Variants in FBXL7 observed in about 807,000 individuals in gnomAD.
FBXL7 encodes F-box/LRR-repeat protein 7.
A neutral mutation model predicts 38.3 loss-of-function variants in FBXL7; 12 were observed. The observed-to-expected ratio is 0.31, with a 90% CI of 0.20 to 0.51. The LOEUF (loss-of-function observed/expected upper bound fraction) is 0.51, where lower values mean the gene tolerates loss of function less well. FBXL7 is among the 20% of genes least tolerant of loss of function. The pLI is 0.98. For missense variants in FBXL7, 567 were observed against 676.4 expected (o/e 0.84, Z 1.79); for synonymous variants, 297 against 300.9 (o/e 0.99, Z 0.13).
At chr5:15,783,453 T>A (rs1441683010) in intron 2 of FBXL7, among the ~76,000 whole-genome samples, 2 of 152,086 alleles carry the variant, frequency 1.3e-5, no homozygotes, top group Admixed American at 1.3e-4. Context: ...TAGAGAATGA[T>A]CATTGTAAGC....
intron 2 of FBXL7, among the ~76,000 whole-genome samples, chr5:15,874,194 A>G (rs1309183739): frequency 3.3e-5 from 5 of 152,254 alleles, no homozygotes; most frequent in Non-Finnish European, 5.9e-5. Context: ...AAAGATGCAG[A>G]AAAAGCCTTT....
At chr5:15,837,403 T>C (rs555125463) in intron 2 of FBXL7, among the ~76,000 whole-genome samples, 75 of 152,340 alleles carry the variant, frequency 4.9e-4, no homozygotes, top group Non-Finnish European at 9.8e-4. Context: ...TTTTCCCATA[T>C]GTAGCTGACA....
intron 2 of FBXL7, among the ~76,000 whole-genome samples, chr5:15,822,046 T>A (rs1738182844): frequency 1.3e-5 from 2 of 152,034 alleles, no homozygotes; most frequent in African/African-American, 4.8e-5. Flanking sequence ...AACCAAATCA[T>A]GTCCCCTAAA....
intron 2 of FBXL7, among the ~76,000 whole-genome samples, chr5:15,683,314 T>C (rs1742910924): frequency 1.3e-5 from 2 of 152,208 alleles, no homozygotes; most frequent in African/African-American, 4.8e-5. Flanking sequence ...CATGTGGCTT[T>C]ATTCTAGGAA....
intron 1 of FBXL7, among the ~76,000 whole-genome samples, chr5:15,516,808 C>T (rs899363776): frequency 3.3e-5 from 5 of 152,060 alleles, no homozygotes; most frequent in Non-Finnish European, 5.9e-5. Context: ...TTTTGGTCGG[C>T]ATTTCTCCTT....
intron 2 of FBXL7, among the ~76,000 whole-genome samples, chr5:15,786,728 T>C (rs1737141771): frequency 6.6e-6 from 1 of 152,224 alleles, no homozygotes; most frequent in Admixed American, 6.6e-5. Flanking sequence ...ATTAATTACT[T>C]AGTATGTATA....
At chr5:15,845,098 T>C (rs1237078668) in intron 2 of FBXL7, among the ~76,000 whole-genome samples, 4 of 152,236 alleles carry the variant, frequency 2.6e-5, no homozygotes, top group Non-Finnish European at 5.9e-5. Flanking sequence ...CCACTTTCTC[T>C]TCTGCCTTGC....
rs148070518 is a variant in FBXL7 at position 15,759,479 on chromosome 5, C to T, written c.127+143407C>T. Among the ~76,000 whole-genome samples, 43 of 152,120 alleles carry T rather than the reference C, an allele frequency of 2.8e-4. No homozygotes were observed. The East Asian group carries it at 7.9e-3, about 28-fold the overall frequency. ...GAAATAACTTAGTCCATGATGTTGA[C>T]AAAGCTTTTAAATTTGAAGAAACAT... On this transcript the variant is annotated intron_variant, in intron 2 of 3. Transcript: ENST00000504595.
At chr5:15,548,563 C>T (rs1210508834) in intron 1 of FBXL7, among the ~76,000 whole-genome samples, 1 of 152,058 alleles carries the variant, frequency 6.6e-6, no homozygotes, top group Non-Finnish European at 1.5e-5. Context: ...AAAAATGGTA[C>T]CTTGTTTGTA....
At chr5:15,597,154 T>C (rs1302811475) in intron 1 of FBXL7, among the ~76,000 whole-genome samples, 1 of 152,106 alleles carries the variant, frequency 6.6e-6, no homozygotes, top group Non-Finnish European at 1.5e-5. Flanking sequence ...CAGAATTGAA[T>C]TGAATTCTAG....
rs79587972 is a variant in FBXL7, at chr5:15,573,501, C to A, written c.38-42482C>A. 3.9e-4 allele frequency among the ~76,000 whole-genome samples: 59 copies of A among 152,226 alleles called. 2 individuals are homozygous for A. In the East Asian group the frequency reaches 0.01, roughly 27 times the overall value. Reference sequence around the variant, plus strand: ...AAATAAAAGAAGGGGGAAGCTATAACAAGTCTTTTTAATGATGGTGATGTT... The same window carrying A: ...AAATAAAAGAAGGGGGAAGCTATAAAAAGTCTTTTTAATGATGGTGATGTT... On this transcript the variant is annotated intron_variant, in intron 1 of 3. Coordinates refer to ENST00000504595, the MANE Select transcript of FBXL7 (RefSeq NM_012304.5).
intron 1 of FBXL7, among the ~76,000 whole-genome samples, chr5:15,543,739 A>G (rs1360055720): frequency 6.6e-6 from 1 of 152,218 alleles, no homozygotes; most frequent in Non-Finnish European, 1.5e-5. Flanking sequence ...CTCAGTATAA[A>G]GGGCATCGGG....
At chr5:15,692,121 C>T (rs931210662) in intron 2 of FBXL7, among the ~76,000 whole-genome samples, 20 of 152,124 alleles carry the variant, frequency 1.3e-4, no homozygotes, top group South Asian at 4.1e-4. Context: ...AGTAGGCTGC[C>T]TCGATTGGAA....
At chr5:15,731,598 A>T (rs1735586309) in intron 2 of FBXL7, among the ~76,000 whole-genome samples, 1 of 152,212 alleles carries the variant, frequency 6.6e-6, no homozygotes, top group African/African-American at 2.4e-5. Flanking sequence ...GATGAAAAAA[A>T]AATGAATGTG....
intron 2 of FBXL7, among the ~76,000 whole-genome samples, chr5:15,699,356 T>C (rs1743449284): frequency 6.6e-6 from 1 of 152,200 alleles, no homozygotes; most frequent in African/African-American, 2.4e-5. Flanking sequence ...TGCCTCTTCC[T>C]AGCTTCTAGT....
chr5:15,817,057 A>T (rs1331038264), intron 2 of FBXL7, among the ~76,000 whole-genome samples: 1 of 152,186 alleles, frequency 6.6e-6, no homozygotes, highest in African/African-American at 2.4e-5. Context: ...GAGCCCAAAG[A>T]CCTGGGAGCA....
At chr5:15,572,797 T>TG (rs1738834731) in intron 1 of FBXL7, among the ~76,000 whole-genome samples, 1 of 152,172 alleles carries the variant, frequency 6.6e-6, no homozygotes, top group Admixed American at 6.5e-5. Context: ...TTCATGCCCT[T>TG]GTCCAAGCAG....
chr5:15,742,176 G>A (rs535511429), intron 2 of FBXL7, among the ~76,000 whole-genome samples: 43 of 152,268 alleles, frequency 2.8e-4, no homozygotes, highest in Admixed American at 1.8e-3. Flanking sequence ...AATACAAATA[G>A]TTTGGTCTTT....
intron 1 of FBXL7, among the ~76,000 whole-genome samples, chr5:15,588,437 A>AGT (rs1739366243): frequency 7.0e-6 from 1 of 143,828 alleles, no homozygotes; most frequent in Admixed American, 7.2e-5. Flanking sequence ...TCCAGGCTGG[A>AGT]GTGCAGTGGC....
Sources: allele counts gnomAD v4.1 joint callset (sites outside exome capture counted in the v4.1 genomes callset), GRCh38; gene constraint gnomAD v4.1.1; transcripts MANE v1.5; gene names NCBI Gene and HGNC (gene_info 2026-07-23, HGNC 2026-07-21).